The following LARP4B variants were observed in gnomAD, a reference collection of about 807,000 sequenced individuals.
The protein encoded by LARP4B is la-related protein 4B.
In LARP4B, 12 loss-of-function variants were observed where a neutral mutation model predicts 89.8. The ratio of observed to expected loss-of-function variants is 0.13; its 90% CI spans 0.09 to 0.22. The LOEUF is 0.22. LARP4B is among the 10% of genes least tolerant of loss of function. The probability of loss-of-function intolerance (pLI) is 1.00; values close to 1 mark genes in which losing one functional copy is unlikely to be tolerated. For missense variants in LARP4B, 757 were observed against 947.7 expected, an observed-to-expected ratio of 0.80 and a Z score of 2.64; for synonymous variants, 367 against 363.3, an observed-to-expected ratio of 1.01 and a Z score of -0.12.
chr10:904,588 A>G (rs144347097), intron 1 of LARP4B, among the ~76,000 whole-genome samples: 3,228 of 152,020 alleles, frequency 0.021, 64 homozygotes, highest in Admixed American at 0.061. Context: ...AAATAAAATA[A>G]AAATAAATAA....
In LARP4B at chr10:814,496, CCT is replaced by C. The variant is rs1189707117; in HGVS notation, c.1929+244_1929+245del. The C allele has an allele frequency of 1.4e-6, 1 of 695,606 alleles. No homozygotes were observed. The highest frequency in any genetic ancestry group is 2.9e-5 in the Admixed American group (1 of 34,550). 43.1% of individuals were successfully genotyped at this position (695,606 alleles called of 1,614,324 possible). On this transcript the variant is annotated intron_variant, in intron 17 of 17. Transcript: ENST00000316157. The surrounding 1 kb of genome is among the most constrained non-coding windows in gnomAD (Gnocchi z 4.4). ...TGGGGTCTTGTTACTACTCAAGAAA[CCT>C]CTATTGACCAACACTGAAATAAAAG...
intron 1 of LARP4B, among the ~76,000 whole-genome samples, chr10:907,370 G>C (rs1250149740): frequency 6.6e-6 from 1 of 152,174 alleles, no homozygotes; most frequent in Non-Finnish European, 1.5e-5. Context: ...GGTGTAATAA[G>C]GGAAAAGGCA....
At chr10:843,827 GAGGGCC>G (rs1282912339) in intron 6 of LARP4B, among the ~76,000 whole-genome samples, 1 of 152,214 alleles carries the variant, frequency 6.6e-6, no homozygotes, top group Non-Finnish European at 1.5e-5. Context: ...ACACTCACCA[GAGGGCC>G]TATATCCAGC....
At chr10:931,968 T>TCCGCCCCGTCCGCCCCGC (rs1564451820), upstream of LARP4B, among the ~76,000 whole-genome samples, 2 of 143,438 alleles carry the variant, frequency 1.4e-5, no homozygotes, top group East Asian at 4.2e-4. Context: ...ACGCCGCACG[T>TCCGCCCCGTCCGCCCCGC]CCGCCCCGCC....
At chr10:862,271 A>C (rs910730332) in intron 5 of LARP4B, among the ~76,000 whole-genome samples, 2 of 149,736 alleles carry the variant, frequency 1.3e-5, no homozygotes, top group African/African-American at 4.9e-5. Context: ...AAAAAAAAAA[A>C]AAAAAAAAAA....
intron 1 of LARP4B, among the ~76,000 whole-genome samples, chr10:929,116 TTTTTCTGTCTGG>T (rs1302276322): frequency 6.6e-6 from 1 of 152,186 alleles, no homozygotes; most frequent in Non-Finnish European, 1.5e-5. Flanking sequence ...ATGTTATCTT[TTTTTCTGTCTGG>T]TTCCTACTCA....
At chr10:847,477 A>G (rs1833828263) in intron 5 of LARP4B, among the ~76,000 whole-genome samples, 1 of 152,018 alleles carries the variant, frequency 6.6e-6, no homozygotes, top group South Asian at 2.1e-4. Context: ...GATGTGGGAC[A>G]TAGAGCAACA....
At chr10:933,896 A>G (rs989539920), upstream of LARP4B, among the ~76,000 whole-genome samples, 32 of 151,636 alleles carry the variant, frequency 2.1e-4, no homozygotes, top group Non-Finnish European at 4.4e-4. Flanking sequence ...GCCGTGGCAT[A>G]ATCTCGGCTC....
chr10:863,623 G>T, intron 5 of LARP4B, 120 bp downstream of exon 5: 1 of 1,130,408 alleles, frequency 8.8e-7, no homozygotes, highest in Non-Finnish European at 1.2e-6. Flanking sequence ...TGAGTTTAAA[G>T]TAGAATTAAA....
the LARP4B span, among the ~76,000 whole-genome samples, chr10:965,892 C>G: frequency 6.6e-6 from 1 of 152,220 alleles, no homozygotes; most frequent in Non-Finnish European, 1.5e-5. Context: ...AGCTCAGGCC[C>G]CTTCCCGGCA....
At chr10:899,535 C>T (rs997215039) in intron 1 of LARP4B, among the ~76,000 whole-genome samples, 37 of 152,338 alleles carry the variant, frequency 2.4e-4, no homozygotes, top group African/African-American at 8.2e-4. Context: ...TGATATATTA[C>T]AACTTACCTT....
chr10:877,846 G>A (rs971714573), intron 3 of LARP4B, among the ~76,000 whole-genome samples: 36 of 152,178 alleles, frequency 2.4e-4, no homozygotes, highest in African/African-American at 8.0e-4. Context: ...CAGATTTGAT[G>A]GAGCTTGCAT....
chr10:873,061 C>T lies in LARP4B; in HGVS notation c.142-8791G>A, dbSNP rs566591351. 5 of 985,342 alleles carry T rather than the reference C, an allele frequency of 5.1e-6. No homozygotes were observed. In the Admixed American group the frequency reaches 2.5e-4, roughly 48 times the overall value. 61.0% of individuals were successfully genotyped at this position (985,342 alleles called of 1,614,324 possible). A position where few individuals can be genotyped will look rare whatever the true frequency, so the allele number is the denominator to read the frequency against. On this transcript the variant is annotated intron_variant, in intron 3 of 17. Coordinates refer to ENST00000316157, the MANE Select transcript of LARP4B (RefSeq NM_015155.3). Reference sequence around the variant, plus strand: ...TTTTACTTATCTTGTTTTCTGGTTCCTTTTCCTCCACAGATTTTTGTAACA... The same window carrying T: ...TTTTACTTATCTTGTTTTCTGGTTCTTTTTCCTCCACAGATTTTTGTAACA...
chr10:863,654 T>C (rs1434142442), intron 5 of LARP4B, 89 bp downstream of exon 5: 10 of 1,333,556 alleles, frequency 7.5e-6, no homozygotes, highest in Non-Finnish European at 1.0e-5. Flanking sequence ...GAAAGACCCA[T>C]TGTGTAGAGA....
At chr10:930,584 G>A (rs1268649437) in intron 1 of LARP4B, among the ~76,000 whole-genome samples, 2 of 152,192 alleles carry the variant, frequency 1.3e-5, no homozygotes, top group African/African-American at 4.8e-5. Flanking sequence ...GCACTGAAAC[G>A]GAAAGACTCT....
rs1588847613 is a variant in LARP4B, at chr10:817,896, C to T, written c.1531-7G>A. 1.2e-6 allele frequency: 2 copies of T among 1,611,480 alleles called. No individual in the cohort carries two copies. The highest frequency in any genetic ancestry group is 1.7e-6 in the Non-Finnish European group (2 of 1,177,974). Reference sequence around the variant, plus strand: ...GAGACTGTGTCTGGCTGCTCTGCAACAGAATGACACCCCAGGGTCACGGTA... The same window carrying T: ...GAGACTGTGTCTGGCTGCTCTGCAATAGAATGACACCCCAGGGTCACGGTA... On this transcript the variant is annotated splice_region_variant and splice_polypyrimidine_tract_variant and intron_variant, in intron 14 of 17. Transcript: ENST00000316157.
chr10:871,206 T>G (rs1277217089), intron 3 of LARP4B, among the ~76,000 whole-genome samples: 1 of 152,234 alleles, frequency 6.6e-6, no homozygotes, highest in Non-Finnish European at 1.5e-5. Flanking sequence ...ACTGAACTCT[T>G]CACACATATT....
intron 1 of LARP4B, among the ~76,000 whole-genome samples, chr10:889,483 A>G (rs1171100288): frequency 2.6e-5 from 4 of 152,204 alleles, no homozygotes; most frequent in Non-Finnish European, 5.9e-5. Flanking sequence ...GTAAGAAAAC[A>G]CGCAGACATG....
At chr10:884,808 T>C (rs1390345475) in intron 2 of LARP4B, among the ~76,000 whole-genome samples, 2 of 152,154 alleles carry the variant, frequency 1.3e-5, no homozygotes, top group African/African-American at 4.8e-5. Context: ...TGAACAAAAG[T>C]AGTCAAAAAA....
Sources: allele counts gnomAD v4.1 joint callset (sites outside exome capture counted in the v4.1 genomes callset), GRCh38; gene constraint gnomAD v4.1.1; non-coding constraint Gnocchi (gnomAD v3.1); transcripts MANE v1.5; gene names NCBI Gene and HGNC (gene_info 2026-07-23, HGNC 2026-07-21).